Variants in EXOC4 observed in about 807,000 individuals in gnomAD.
EXOC4 encodes SEC8-like 1.
Under a neutral mutation model 107.2 loss-of-function variants are expected in EXOC4, and 71 were observed. That is an observed-to-expected ratio of 0.66 (90% CI 0.55 to 0.81). The LOEUF (loss-of-function observed/expected upper bound fraction) is 0.81. Among genes scored for constraint, EXOC4 ranks in the 30% least tolerant of loss-of-function variants. The pLI is 0.00. For missense variants in EXOC4, 1,108 were observed against 1,189.6 expected (o/e 0.93, Z 1.01); for synonymous variants, 456 against 441.2 (o/e 1.03, Z -0.42).
intron 9 of EXOC4, among the ~76,000 whole-genome samples, chr7:133,536,540 T>C (rs1486459679): frequency 1.3e-5 from 2 of 152,008 alleles, no homozygotes; most frequent in African/African-American, 4.8e-5. Flanking sequence ...TTACCTATTT[T>C]ATCTGTTCTT....
At chr7:133,535,774 T>C (rs919491717) in intron 9 of EXOC4, among the ~76,000 whole-genome samples, 2 of 152,244 alleles carry the variant, frequency 1.3e-5, no homozygotes, top group African/African-American at 4.8e-5. Context: ...ATTTTCTTCC[T>C]CTCAAGGCTA....
chr7:133,330,937 A>C (rs575491869), intron 5 of EXOC4, among the ~76,000 whole-genome samples: 137 of 150,502 alleles, frequency 9.1e-4, no homozygotes, highest in African/African-American at 3.2e-3. Context: ...TTTCTGTGAG[A>C]GGTTTTTTTT....
chr7:133,771,522 T>C (rs1796243967), intron 10 of EXOC4: 1 of 151,960 alleles, frequency 6.6e-6, no homozygotes. Flanking sequence ...TGTTTTTGCA[T>C]AATAGAAGGA....
intron 7 of EXOC4, among the ~76,000 whole-genome samples, chr7:133,390,671 CCT>C (rs1796832129): frequency 6.6e-6 from 1 of 152,138 alleles, no homozygotes; most frequent in African/African-American, 2.4e-5. Context: ...TCCCTTGTGT[CCT>C]CTCCTGCTGT....
At chr7:133,906,936 C>T (rs1201874804) in intron 12 of EXOC4, among the ~76,000 whole-genome samples, 1 of 152,192 alleles carries the variant, frequency 6.6e-6, no homozygotes, top group Non-Finnish European at 1.5e-5. Flanking sequence ...ACACTCACCG[C>T]ACAGCCCAAG....
intron 9 of EXOC4, among the ~76,000 whole-genome samples, chr7:133,528,566 C>A (rs573081682): frequency 6.6e-6 from 1 of 151,990 alleles, no homozygotes; most frequent in Admixed American, 6.6e-5. Context: ...CTCCTATGGC[C>A]TTTTATATGT....
At chr7:133,572,244 T>C (rs1801039097) in intron 9 of EXOC4, among the ~76,000 whole-genome samples, 1 of 152,238 alleles carries the variant, frequency 6.6e-6, no homozygotes. Context: ...TCTGTTTACT[T>C]TTGTTTCTAC....
At chr7:133,764,240 G>A (rs1331084815) in intron 10 of EXOC4, among the ~76,000 whole-genome samples, 3 of 151,980 alleles carry the variant, frequency 2.0e-5, no homozygotes, top group African/African-American at 4.8e-5. Flanking sequence ...AGTGAAAACT[G>A]TGTTGTCACT....
At chr7:133,848,381 T>C (rs1315696417) in intron 11 of EXOC4, among the ~76,000 whole-genome samples, 1 of 152,186 alleles carries the variant, frequency 6.6e-6, no homozygotes, top group Non-Finnish European at 1.5e-5. Context: ...AGTGTTCCCA[T>C]GTGAAAATGT....
chr7:133,823,970 C>T (rs570708926), intron 11 of EXOC4, among the ~76,000 whole-genome samples: 10 of 126,522 alleles, frequency 7.9e-5, no homozygotes, highest in African/African-American at 2.6e-4. Context: ...TTTAATGCAG[C>T]CAGGTTTGTA....
chr7:133,529,125 A>C (rs778106565), intron 9 of EXOC4, among the ~76,000 whole-genome samples: 3 of 152,094 alleles, frequency 2.0e-5, no homozygotes, highest in Non-Finnish European at 4.4e-5. Flanking sequence ...TTTTATTGAA[A>C]AACTCTATTG....
intron 6 of EXOC4, among the ~76,000 whole-genome samples, chr7:133,357,831 CA>C (rs1188411526): frequency 2.6e-5 from 4 of 152,056 alleles, no homozygotes; most frequent in South Asian, 2.1e-4. Flanking sequence ...AAACTTGATT[CA>C]AAAGTACTAT....
intron 11 of EXOC4, among the ~76,000 whole-genome samples, chr7:133,854,692 A>G (rs1251890194): frequency 6.6e-6 from 1 of 151,606 alleles, no homozygotes; most frequent in African/African-American, 2.4e-5. Context: ...AAGGCACTTT[A>G]AACTTTTGAG....
At chr7:133,944,132 T>G (rs539575985) in intron 14 of EXOC4, among the ~76,000 whole-genome samples, 8 of 152,308 alleles carry the variant, frequency 5.3e-5, no homozygotes, top group Non-Finnish European at 1.2e-4. Context: ...ATTGATACAT[T>G]ATTATTAATG....
At chr7:133,361,179 G>A (rs1327681747) in intron 6 of EXOC4, among the ~76,000 whole-genome samples, 3 of 152,192 alleles carry the variant, frequency 2.0e-5, no homozygotes, top group African/African-American at 7.2e-5. Context: ...GTTTAAAGCA[G>A]GAAGGAAGGC....
At chr7:133,646,452 G>T (rs549873918) in intron 10 of EXOC4, among the ~76,000 whole-genome samples, 77 of 149,734 alleles carry the variant, frequency 5.1e-4, no homozygotes, top group Non-Finnish European at 9.4e-4. Context: ...TTTTTTTCTT[G>T]CTTTCTCTGA....
intron 7 of EXOC4, among the ~76,000 whole-genome samples, chr7:133,393,504 T>TC (rs1280684998): frequency 1.4e-4 from 21 of 152,132 alleles, no homozygotes; most frequent in Admixed American, 1.2e-3. Context: ...AATGTTTATG[T>TC]CCCCCCTACC....
At chr7:133,349,668 A>G (rs192569083) in intron 5 of EXOC4, among the ~76,000 whole-genome samples, 8 of 152,256 alleles carry the variant, frequency 5.3e-5, no homozygotes, top group Admixed American at 4.6e-4. Flanking sequence ...CCTGCCTGCA[A>G]TTCTTTAAGT....
intron 10 of EXOC4, among the ~76,000 whole-genome samples, chr7:133,665,055 T>C (rs1312847803): frequency 1.3e-5 from 2 of 152,214 alleles, no homozygotes; most frequent in Non-Finnish European, 2.9e-5. Context: ...CAACCTGGTA[T>C]AGTTCATTCA....
Sources: gnomAD v4.1 joint callset for allele counts (sites outside exome capture counted in the v4.1 genomes callset) on GRCh38, gnomAD v4.1.1 for gene constraint, MANE v1.5 for transcripts, NCBI Gene and HGNC (gene_info 2026-07-23, HGNC 2026-07-21) for gene names.